Variants in NMBR observed in about 807,000 individuals in gnomAD.
NMBR encodes the protein neuromedin B receptor, also known as neuromedin-B receptor.
Under a neutral mutation model 20.5 loss-of-function variants are expected in NMBR, and 16 were observed. The ratio of observed to expected loss-of-function variants is 0.78; its 90% confidence interval spans 0.53 to 1.19. The LOEUF (loss-of-function observed/expected upper bound fraction) is 1.19. Ranked by LOEUF, NMBR falls within the 50% of genes most tolerant of loss-of-function variation. NMBR has a pLI of 0.00. For synonymous variants in NMBR, 212 were observed against 196.6 expected (o/e 1.08, Z -0.65); for missense variants, 582 against 499.1 (o/e 1.17, Z -1.58).
At chr6:142,098,544 G>A (rs1320510331) in intron 1 of NMBR, among the ~76,000 whole-genome samples, 1 of 152,014 alleles carries the variant, frequency 6.6e-6, no homozygotes, top group Non-Finnish European at 1.5e-5. Flanking sequence ...ATTACTAAGT[G>A]GAATTTGACA....
chr6:142,095,506 C>T (rs768400810), intron 1 of NMBR, among the ~76,000 whole-genome samples: 16 of 152,178 alleles, frequency 1.1e-4, no homozygotes, highest in Non-Finnish European at 2.2e-4. Flanking sequence ...ATGAAGCCCA[C>T]TTGATCATGG....
intron 1 of NMBR, among the ~76,000 whole-genome samples, chr6:142,111,892 G>A (rs1777769552): frequency 2.0e-5 from 3 of 152,144 alleles, no homozygotes; most frequent in Admixed American, 2.0e-4. Flanking sequence ...TGAATGTCAT[G>A]TTTGTAGCTT....
chr6:142,116,757 T>C (rs762135857), intron 1 of NMBR, among the ~76,000 whole-genome samples: 2 of 152,180 alleles, frequency 1.3e-5, no homozygotes, highest in African/African-American at 4.8e-5. Flanking sequence ...AAATTTGTTA[T>C]AAATTTTTGC....
In NMBR at chr6:142,075,574, C is replaced by A. The variant is rs1407831267; in HGVS notation, c.*74G>T. 1.4e-6 allele frequency: 2 copies of A among 1,402,378 alleles called. No individual in the cohort carries two copies. Among genetic ancestry groups the A allele is most frequent in the Non-Finnish European group, 1.9e-6 (2 of 1,041,326 alleles). 86.9% of individuals were successfully genotyped at this position (1,402,378 alleles called of 1,614,324 possible). ...GCCTAATAAATTAGCTAAGCAACAG[C>A]AAGTTCTGATCTGCCGAATAGGAAT... On this transcript the variant is annotated 3_prime_UTR_variant, in exon 4 of 4. Transcript: ENST00000258042.
At chr6:142,092,041 T>G (rs563785671) in intron 1 of NMBR, among the ~76,000 whole-genome samples, 35 of 152,154 alleles carry the variant, frequency 2.3e-4, no homozygotes, top group African/African-American at 8.2e-4. Flanking sequence ...ATTTTATAGG[T>G]TTTTCTTAAG....
chr6:142,088,332 C>G lies in NMBR; in HGVS notation c.327G>C (p.Trp109Cys). 1 of 1,614,140 alleles carries G rather than the reference C, an allele frequency of 6.2e-7. No individual in the cohort carries two copies. The highest frequency in any genetic ancestry group is 8.5e-7 in the Non-Finnish European group (1 of 1,180,032). The change falls in exon 2 of 4, where the codon TGG (tryptophan) becomes TGC (cysteine). Residue 109 changes from tryptophan to cysteine, a missense_variant. Trp to Cys is a radical substitution (Grantham distance 215). Transcript: ENST00000258042. ...VDASRYFFDEWMFGKVGCKLI... is the reference protein window; with the variant it reads ...VDASRYFFDECMFGKVGCKLI... Reference sequence around the variant, plus strand: ...GTTTGCAGCCCACCTTGCCAAACATCCACTCGTCGAAGAAGTAGCGCGAGG... The same window carrying G: ...GTTTGCAGCCCACCTTGCCAAACATGCACTCGTCGAAGAAGTAGCGCGAGG...
At chr6:142,120,709 C>T (rs367619951) in intron 1 of NMBR, among the ~76,000 whole-genome samples, 3 of 151,856 alleles carry the variant, frequency 2.0e-5, no homozygotes, top group East Asian at 1.9e-4. Context: ...TTGCCCTATG[C>T]GACAAGCTAA....
chr6:142,074,598 T>C lies in NMBR; in HGVS notation c.*1050A>G, dbSNP rs1776892185. On this transcript the variant is annotated 3_prime_UTR_variant, in exon 4 of 4. Coordinates refer to ENST00000258042, the MANE Select transcript of NMBR (RefSeq NM_002511.4). ...GAAGACATTTGTTCAGAGAAAACTG[T>C]GGTATCATGCAGGAAAAGCAGAAAA... Among the ~76,000 whole-genome samples, 1 of 152,134 alleles carries C rather than the reference T, an allele frequency of 6.6e-6. No homozygotes were observed.
At chr6:142,137,179 G>A (rs1410838381) in intron 1 of NMBR, among the ~76,000 whole-genome samples, 1 of 152,096 alleles carries the variant, frequency 6.6e-6, no homozygotes, top group African/African-American at 2.4e-5. Flanking sequence ...ATTGAGCAGT[G>A]GTTTGCAGTT....
chr6:142,110,182 A>T (rs1246140645), intron 1 of NMBR, among the ~76,000 whole-genome samples: 1 of 152,178 alleles, frequency 6.6e-6, no homozygotes, highest in East Asian at 1.9e-4. Flanking sequence ...CATAAGGCTA[A>T]ACATAAAATT....
intron 1 of NMBR, among the ~76,000 whole-genome samples, chr6:142,115,369 G>A (rs1023011875): frequency 6.6e-6 from 1 of 151,978 alleles, no homozygotes; most frequent in African/African-American, 2.4e-5. Context: ...AGGCCTATTT[G>A]AGGTATAGGA....
intron 1 of NMBR, among the ~76,000 whole-genome samples, chr6:142,099,057 C>T (rs1777511372): frequency 6.6e-6 from 1 of 152,108 alleles, no homozygotes; most frequent in South Asian, 2.1e-4. Flanking sequence ...ACATTGGAAC[C>T]AAGATTAGTC....
Position 142,147,055 on chromosome 6 carries a change from G to T in NMBR, c.-675C>A, listed in dbSNP as rs934200681. Reference sequence around the variant, plus strand: ...ACCCTTCCTCCTACCAGCAGAGAGCGCTAGCGCCATGCGCGGCATAAGCGC... The same window carrying T: ...ACCCTTCCTCCTACCAGCAGAGAGCTCTAGCGCCATGCGCGGCATAAGCGC... On this transcript the variant is annotated 5_prime_UTR_variant, in exon 1 of 4. Coordinates refer to ENST00000258042, the MANE Select transcript of NMBR (RefSeq NM_002511.4). 2 of 553,814 alleles carry T rather than the reference G, an allele frequency of 3.6e-6. No individual in the cohort carries two copies. The highest frequency in any genetic ancestry group is 5.7e-5 in the East Asian group (2 of 35,348). The allele number at this position is 553,814 out of a possible 1,614,324, so 34.3% of individuals were successfully genotyped here. A position where few individuals can be genotyped will look rare whatever the true frequency, so the allele number is the denominator to read the frequency against.
At chr6:142,140,554 A>T (rs1464617818) in intron 1 of NMBR, among the ~76,000 whole-genome samples, 1 of 152,168 alleles carries the variant, frequency 6.6e-6, no homozygotes, top group African/African-American at 2.4e-5. Flanking sequence ...AACCAAACCC[A>T]AACATATCAA....
chr6:142,088,888 C>T lies in NMBR; in HGVS notation c.-230G>A, dbSNP rs1268726374. ...AGAGGGGGGAAATGGCTCCGGCTAA[C>T]TCTGAATTTAAATTAAAAAAAAAAA... On this transcript the variant is annotated 5_prime_UTR_variant, in exon 2 of 4. Coordinates refer to ENST00000258042, the MANE Select transcript of NMBR (RefSeq NM_002511.4). 6 of 427,304 alleles carry T rather than the reference C, an allele frequency of 1.4e-5. No individual in the cohort carries two copies. Among genetic ancestry groups the T allele is most frequent in the African/African-American group, 4.7e-5 (2 of 42,454 alleles). 26.5% of individuals were successfully genotyped at this position (427,304 alleles called of 1,614,324 possible). A position where few individuals can be genotyped will look rare whatever the true frequency, so the allele number is the denominator to read the frequency against.
At chr6:142,125,512 C>CACATATACATGTGCATGCAT (rs1211570455) in intron 1 of NMBR, among the ~76,000 whole-genome samples, 995 of 76,336 alleles carry the variant, frequency 0.013, no homozygotes, top group Middle Eastern at 0.036. Flanking sequence ...CATATACATA[C>CACATATACATGTGCATGCAT]ATACACAATT....
intron 1 of NMBR, among the ~76,000 whole-genome samples, chr6:142,099,638 T>C (rs371082041): frequency 3.2e-4 from 48 of 152,270 alleles, no homozygotes; most frequent in Middle Eastern, 3.4e-3. Flanking sequence ...AACTTGGGTA[T>C]ATCGATGACT....
chr6:142,080,365 C>T (rs1283316464), intron 2 of NMBR, among the ~76,000 whole-genome samples: 4 of 136,650 alleles, frequency 2.9e-5, no homozygotes, highest in Non-Finnish European at 4.5e-5. Flanking sequence ...GGCTGGAGTA[C>T]AGTTGCCTGA....
chr6:142,125,623 C>T (rs1210381814), intron 1 of NMBR, among the ~76,000 whole-genome samples: 4 of 151,778 alleles, frequency 2.6e-5, no homozygotes, highest in African/African-American at 9.7e-5. Context: ...AGATGCTCAA[C>T]ATTTATTCAA....
Sources: allele counts gnomAD v4.1 joint callset (sites outside exome capture counted in the v4.1 genomes callset), GRCh38; gene constraint gnomAD v4.1.1; transcripts MANE v1.5; gene names NCBI Gene and HGNC (gene_info 2026-07-23, HGNC 2026-07-21).